Variants in DACH2 observed in about 807,000 individuals in gnomAD.
DACH2 encodes the protein dachshund family transcription factor 2.
In DACH2, 17 loss-of-function variants were observed where a neutral mutation model predicts 35.8. The ratio of observed to expected loss-of-function variants is 0.48; its 90% CI spans 0.33 to 0.71. The LOEUF is 0.71. DACH2 is among the 30% of genes least tolerant of loss of function. The pLI, the probability that DACH2 is intolerant of heterozygous loss-of-function variation, is 0.02. For synonymous variants in DACH2, 195 were observed against 177.3 expected (o/e 1.10, Z -0.79); for missense variants, 469 against 472.7 (o/e 0.99, Z 0.07).
At chrX:86,666,741 G>A (rs1204393526) in intron 4 of DACH2, among the ~76,000 whole-genome samples, 2 of 111,559 alleles carry the variant, frequency 1.8e-5, no homozygotes, top group African/African-American at 6.5e-5. Flanking sequence ...AATTGCAGAA[G>A]GGAAAAAGAG....
At chrX:86,831,033 A>ATAAG (rs1206505097) in intron 11 of DACH2, 1 of 111,261 alleles carries the variant, frequency 9.0e-6, no homozygotes, top group East Asian at 2.8e-4. Context: ...CCAACCCTCC[A>ATAAG]TAAGTCTGAC....
chrX:86,763,093 A>G (rs962249063), intron 7 of DACH2, among the ~76,000 whole-genome samples: 9 of 111,762 alleles, frequency 8.1e-5, no homozygotes, highest in Non-Finnish European at 1.7e-4. Flanking sequence ...TTCACTTAAC[A>G]TAATGATCTC....
At chrX:86,637,333 T>C (rs1434768667) in intron 3 of DACH2, among the ~76,000 whole-genome samples, 1 of 102,456 alleles carries the variant, frequency 9.8e-6, no homozygotes, top group Non-Finnish European at 2.0e-5. Context: ...TGGAAAACAG[T>C]GTGGCTATTC....
At chrX:86,696,514 G>T (rs2041069460) in intron 5 of DACH2, among the ~76,000 whole-genome samples, 1 of 111,800 alleles carries the variant, frequency 8.9e-6, no homozygotes, top group South Asian at 3.7e-4. Flanking sequence ...GACATGTAAA[G>T]AGCTTGGAAG....
intron 2 of DACH2, among the ~76,000 whole-genome samples, chrX:86,462,227 A>T (rs899939295): frequency 1.3e-4 from 15 of 111,890 alleles, no homozygotes; most frequent in Admixed American, 5.7e-4. Flanking sequence ...ACAACACCTT[A>T]TTGCTCACTC....
At chrX:86,174,639 A>T (rs138516646) in intron 1 of DACH2, among the ~76,000 whole-genome samples, 1,445 of 111,373 alleles carry the variant, frequency 0.013, 27 homozygotes, top group African/African-American at 0.044. Flanking sequence ...TATTAGACAT[A>T]AATTATAAGC....
At chrX:86,263,287 A>C (rs2033659280) in intron 1 of DACH2, among the ~76,000 whole-genome samples, 1 of 111,865 alleles carries the variant, frequency 8.9e-6, no homozygotes. Context: ...GGCTTTATTT[A>C]ACTTATGTAA....
intron 2 of DACH2, among the ~76,000 whole-genome samples, chrX:86,424,487 G>A (rs761411156): frequency 9.0e-6 from 1 of 110,866 alleles, no homozygotes; most frequent in Admixed American, 9.6e-5. Flanking sequence ...ATTGTTCACT[G>A]TTGGCATATA....
chrX:86,583,285 C>A (rs1381131806), intron 3 of DACH2, among the ~76,000 whole-genome samples: 6 of 110,511 alleles, frequency 5.4e-5, no homozygotes, highest in Non-Finnish European at 1.1e-4. Context: ...GGAAGCATTT[C>A]GTTTGAGAAC....
chrX:86,375,049 T>C (rs1332001261), intron 1 of DACH2, among the ~76,000 whole-genome samples: 1 of 109,904 alleles, frequency 9.1e-6, no homozygotes, highest in East Asian at 2.9e-4. Context: ...CTTAAAGCCC[T>C]GGAGTTATAG....
At chrX:86,301,723 C>T (rs1400954644) in intron 1 of DACH2, among the ~76,000 whole-genome samples, 2 of 111,845 alleles carry the variant, frequency 1.8e-5, no homozygotes, top group Non-Finnish European at 3.8e-5. Context: ...GTCATAATTG[C>T]ATAATGTACA....
intron 3 of DACH2, among the ~76,000 whole-genome samples, chrX:86,589,378 T>A (rs928321807): frequency 3.6e-5 from 4 of 111,412 alleles, no homozygotes; most frequent in Admixed American, 1.9e-4. Flanking sequence ...CTCTATTTTT[T>A]AAAAAAATCA....
chrX:86,821,814 G>T (rs896761556), intron 11 of DACH2, among the ~76,000 whole-genome samples: 1 of 111,635 alleles, frequency 9.0e-6, no homozygotes, highest in Admixed American at 9.5e-5. Flanking sequence ...GATCAAAGAC[G>T]TGCAGTTCTA....
intron 2 of DACH2, among the ~76,000 whole-genome samples, chrX:86,455,370 C>G (rs1040072982): frequency 1.8e-5 from 2 of 111,423 alleles, no homozygotes; most frequent in Non-Finnish European, 3.8e-5. Context: ...TCTTCCAAAG[C>G]TCGCAAAATA....
intron 4 of DACH2, among the ~76,000 whole-genome samples, chrX:86,665,242 T>C (rs1188804214): frequency 1.8e-5 from 2 of 111,942 alleles, no homozygotes; most frequent in Non-Finnish European, 3.8e-5. Flanking sequence ...TTTTATTGAA[T>C]ACACAAGGGC....
chrX:86,626,883 G>C (rs1264416888), intron 3 of DACH2, among the ~76,000 whole-genome samples: 1 of 112,771 alleles, frequency 8.9e-6, no homozygotes, highest in African/African-American at 3.2e-5. Context: ...CTTGTGATGG[G>C]AGGGGCTGCT....
At chrX:86,647,874 TAAC>T (rs1200086528) in intron 3 of DACH2, among the ~76,000 whole-genome samples, 5 of 110,280 alleles carry the variant, frequency 4.5e-5, no homozygotes, top group Non-Finnish European at 9.5e-5. Context: ...AAAAAGAAAA[TAAC>T]AAATCAAATA....
intron 3 of DACH2, among the ~76,000 whole-genome samples, chrX:86,576,219 G>A (rs2148336083): frequency 9.0e-6 from 1 of 111,469 alleles, no homozygotes; most frequent in South Asian, 3.7e-4. Context: ...TACAAATACT[G>A]TAAGAGAGGC....
Position 86,225,292 on chromosome X carries a change from C to A in DACH2, c.488+76184C>A, listed in dbSNP as rs913669026. ...TTTCAATTCAAATTCATAAGGTACT[C>A]ATTCTCTACCATTACCACATTTGGA... On this transcript the variant is annotated intron_variant, in intron 1 of 11. Transcript: ENST00000373125. Among the ~76,000 whole-genome samples, 3 of 111,352 alleles carry A rather than the reference C, an allele frequency of 2.7e-5. No individual in the cohort carries two copies. In the East Asian group the frequency reaches 8.5e-4, roughly 32 times the overall value.
Sources: allele counts gnomAD v4.1 joint callset (sites outside exome capture counted in the v4.1 genomes callset), GRCh38; gene constraint gnomAD v4.1.1; transcripts MANE v1.5; gene names NCBI Gene and HGNC (gene_info 2026-07-23, HGNC 2026-07-21).